Variants in TENM1 observed in about 807,000 individuals in gnomAD.
The protein encoded by TENM1 is teneurin-1.
Under a neutral mutation model 174.8 loss-of-function variants are expected in TENM1, and 35 were observed. The ratio of observed to expected loss-of-function variants is 0.20; its 90% CI spans 0.15 to 0.27. The LOEUF is 0.27. TENM1 is among the 10% of genes least tolerant of loss of function. TENM1 has a pLI of 1.00. For missense variants in TENM1, 1,633 were observed against 2,130.1 expected, an observed-to-expected ratio of 0.77 and a Z score of 4.59; for synonymous variants, 781 against 798.7, an observed-to-expected ratio of 0.98 and a Z score of 0.37.
chrX:124,788,347 TG>T (rs2055092434), intron 3 of TENM1, among the ~76,000 whole-genome samples: 1 of 111,473 alleles, frequency 9.0e-6, no homozygotes, highest in East Asian at 2.8e-4. Flanking sequence ...CATACCATTC[TG>T]TACCTGGCCT....
chrX:125,071,491 C>T, the TENM1 span, among the ~76,000 whole-genome samples: 1 of 111,819 alleles, frequency 8.9e-6, no homozygotes, highest in African/African-American at 3.2e-5. Flanking sequence ...ATTATGTTCA[C>T]TTAACTGTAC....
At chrX:124,664,676 T>TGG (rs1246310868) in intron 6 of TENM1, among the ~76,000 whole-genome samples, 15 of 85,400 alleles carry the variant, frequency 1.8e-4, no homozygotes, top group South Asian at 6.3e-4. Context: ...AGAGTACTTG[T>TGG]GGGGTGTGTG....
chrX:124,594,882 C>G (rs1200145414), intron 11 of TENM1, among the ~76,000 whole-genome samples: 1 of 111,928 alleles, frequency 8.9e-6, no homozygotes, highest in Non-Finnish European at 1.9e-5. Context: ...TTTGAAAGGC[C>G]TAGAATGTCA....
chrX:124,528,875 T>A (rs2048040273), intron 16 of TENM1, among the ~76,000 whole-genome samples: 1 of 111,447 alleles, frequency 9.0e-6, no homozygotes, highest in Admixed American at 9.6e-5. Context: ...CTTATTATCT[T>A]TTTAAACTAA....
intron 23 of TENM1, among the ~76,000 whole-genome samples, chrX:124,449,656 T>C (rs1010734927): frequency 2.7e-5 from 3 of 112,044 alleles, no homozygotes; most frequent in African/African-American, 9.7e-5. Context: ...AATGCTCCTT[T>C]TCCTTGCCTT....
chrX:125,117,856 A>G, the TENM1 span, among the ~76,000 whole-genome samples: 1 of 111,650 alleles, frequency 9.0e-6, no homozygotes, highest in Middle Eastern at 4.6e-3. Flanking sequence ...CAACCCAGCA[A>G]TCTCACTATT....
intron 10 of TENM1, among the ~76,000 whole-genome samples, chrX:124,644,353 C>A (rs768102145): frequency 1.9e-5 from 2 of 107,836 alleles, no homozygotes; most frequent in South Asian, 4.0e-4. Context: ...TCTTAATGAG[C>A]CATCTTTAAA....
chrX:124,839,839 C>G (rs1280835947), intron 3 of TENM1, among the ~76,000 whole-genome samples: 1 of 111,670 alleles, frequency 9.0e-6, no homozygotes, highest in Non-Finnish European at 1.9e-5. Flanking sequence ...AGTGATTGGA[C>G]CTTATCTCTT....
chrX:125,162,996 TCAGTATTCCAGCTTCC>T, the TENM1 span, among the ~76,000 whole-genome samples: 1 of 111,543 alleles, frequency 9.0e-6, no homozygotes, highest in Admixed American at 9.6e-5. Context: ...CTTCTCACTC[TCAGTATTCCAGCTTCC>T]CAGAGTTACC....
At chrX:124,764,877 C>T (rs182791077) in intron 3 of TENM1, among the ~76,000 whole-genome samples, 1 of 110,988 alleles carries the variant, frequency 9.0e-6, no homozygotes, top group East Asian at 2.8e-4. Context: ...ATTCAACAGA[C>T]CCACTGGTGC....
At position 124,383,881 on chromosome X, in the gene TENM1, G is replaced by C. The variant is rs774343710; in HGVS notation, c.7050C>G (p.Gly2350=). 5 of 1,209,460 alleles carry C rather than the reference G, an allele frequency of 4.1e-6. No individual in the cohort carries two copies. In the Admixed American group the frequency reaches 1.1e-4, roughly 26 times the overall value. Residue 2350 remains glycine (G), a synonymous_variant, in exon 30 of 32, where the codon GGC becomes GGG. Coordinates refer to ENST00000422452, the Ensembl canonical transcript of TENM1. ...CAGGGTAAGTGTCATGATAGATATC[G>C]CCATAAGGTGTGTATAGTATCTCCT...
the TENM1 span, among the ~76,000 whole-genome samples, chrX:125,113,957 C>T: frequency 1.8e-5 from 2 of 111,439 alleles, no homozygotes; most frequent in South Asian, 7.5e-4. Flanking sequence ...ACAGAATATA[C>T]ACTCTTCTCA....
intron 3 of TENM1, among the ~76,000 whole-genome samples, chrX:124,847,441 G>T (rs2056631472): frequency 9.0e-6 from 1 of 111,441 alleles, no homozygotes; most frequent in East Asian, 2.8e-4. Context: ...TGGCAGTGTA[G>T]TGTGTCTGTA....
At chrX:125,034,143 C>T in the TENM1 span, among the ~76,000 whole-genome samples, 1 of 111,129 alleles carries the variant, frequency 9.0e-6, no homozygotes, top group African/African-American at 3.3e-5. Flanking sequence ...CTCTTGACTC[C>T]CTAGGCAATG....
chrX:124,399,180 A>G (rs1009022634), intron 27 of TENM1, among the ~76,000 whole-genome samples: 3 of 112,107 alleles, frequency 2.7e-5, no homozygotes, highest in African/African-American at 9.7e-5. Flanking sequence ...TCCTGTGATC[A>G]CTGCTTACTA....
chrX:125,143,354 A>T, the TENM1 span, among the ~76,000 whole-genome samples: 1 of 112,226 alleles, frequency 8.9e-6, no homozygotes, highest in Non-Finnish European at 1.9e-5. Context: ...ATATCAGATC[A>T]TAAAAGATTT....
chrX:124,693,421 A>G (rs2052575686), intron 5 of TENM1, among the ~76,000 whole-genome samples: 1 of 111,881 alleles, frequency 8.9e-6, no homozygotes. Context: ...TATCTTCTAC[A>G]GCAATTATTT....
chrX:124,553,268 G>T (rs1021557781), intron 14 of TENM1, among the ~76,000 whole-genome samples: 6 of 109,597 alleles, frequency 5.5e-5, no homozygotes, highest in Non-Finnish European at 7.6e-5. Context: ...AGACTGAGGG[G>T]GGGGGTGGAT....
chrX:124,942,693 C>T (rs867771021), intron 1 of TENM1, among the ~76,000 whole-genome samples: 67 of 111,454 alleles, frequency 6.0e-4, no homozygotes, highest in Non-Finnish European at 9.1e-4. Context: ...TGCTAGGGTT[C>T]AAACACTTCT....
Sources: gnomAD v4.1 joint callset for allele counts (sites outside exome capture counted in the v4.1 genomes callset) on GRCh38, gnomAD v4.1.1 for gene constraint, MANE v1.5 for transcripts, NCBI Gene and HGNC (gene_info 2026-07-23, HGNC 2026-07-21) for gene names.